SEC61A2: variants seen among roughly 807,000 people sequenced by gnomAD.
SEC61A2 encodes protein transport protein Sec61 subunit alpha isoform 2.
A neutral mutation model predicts 59.9 loss-of-function variants in SEC61A2; 28 were observed. That is an observed-to-expected ratio of 0.47 (90% confidence interval 0.35 to 0.64). SEC61A2 has a LOEUF of 0.64. SEC61A2 is among the 30% of genes least tolerant of loss of function. The pLI is 0.01. For missense variants in SEC61A2, 340 were observed against 585.9 expected (o/e 0.58, Z 4.33); for synonymous variants, 202 against 214.4 (o/e 0.94, Z 0.50).
At position 12,160,341 on chromosome 10, in the gene SEC61A2, C is replaced by T. The variant is rs1331237982; in HGVS notation, c.976-589C>T. On this transcript the variant is annotated intron_variant, in intron 9 of 11. Transcript: ENST00000298428. This position sits in a 1 kb window ranked among gnomAD's most constrained non-coding sequence, Gnocchi z 4.1. ...ATCGCAACTAAAAATTGGTTTCTCACCCCCTATCTGTATACCCCAAAACTT... is the reference window on the plus strand; with the variant it reads ...ATCGCAACTAAAAATTGGTTTCTCATCCCCTATCTGTATACCCCAAAACTT... 1.3e-5 allele frequency among the ~76,000 whole-genome samples: 2 copies of T among 152,114 alleles called. No homozygotes were observed. The highest frequency in any genetic ancestry group is 1.9e-4 in the East Asian group (1 of 5,196).
At chr10:12,146,707 G>A (rs773305505) in intron 4 of SEC61A2, among the ~76,000 whole-genome samples, 1 of 151,584 alleles carries the variant, frequency 6.6e-6, no homozygotes, top group Admixed American at 6.6e-5. Flanking sequence ...TTTAGTACAG[G>A]TGGGGTTTCA....
chr10:12,155,870 C>G lies in SEC61A2; in HGVS notation c.555C>G (p.Thr185=). ...CTGGGATTTCCCTCTTTATTGCCACCAACATCTGTGAGACCATTGTCTGGA... is the reference window on the plus strand; with the variant it reads ...CTGGGATTTCCCTCTTTATTGCCACGAACATCTGTGAGACCATTGTCTGGA... The part of the protein sequence containing the change: ...LGSGISLFIA[T]NICETIVWKA... The change falls in exon 7 of 12, where the codon ACC becomes ACG. Residue 185 remains threonine (T), a synonymous_variant. Transcript: ENST00000298428. The surrounding 1 kb of genome is among the most constrained non-coding windows in gnomAD (Gnocchi z 4.3). 2 of 1,614,134 alleles carry G rather than the reference C, an allele frequency of 1.2e-6. No homozygotes were observed. The highest frequency in any genetic ancestry group is 8.5e-7 in the Non-Finnish European group (1 of 1,179,980).
chr10:12,139,278 T>G (rs1183048078), intron 3 of SEC61A2, among the ~76,000 whole-genome samples: 2 of 151,490 alleles, frequency 1.3e-5, no homozygotes, highest in African/African-American at 4.8e-5. Context: ...TGCCCCATTT[T>G]GTATTTCCAC....
downstream of SEC61A2, chr10:12,169,479 C>T (rs1834803016): frequency 6.9e-6 from 4 of 580,246 alleles, no homozygotes; most frequent in Admixed American, 6.5e-5. The surrounding 1 kb of genome is among the most constrained non-coding windows in gnomAD (Gnocchi z 4.8). Context: ...TTATGGTCCG[C>T]GGAGCCTCAA....
In SEC61A2 at chr10:12,135,580, A is replaced by G. The variant is rs192360256; in HGVS notation, c.76-525A>G. On this transcript the variant is annotated intron_variant, in intron 2 of 11. Transcript: ENST00000298428. The stretch of plus-strand genomic sequence containing the variant: ...CACCCAGATAACGTTCATTGTACCC[A>G]TTAAGTAATTTCTCATCATCCATCT... Among the ~76,000 whole-genome samples, 11 of 152,270 alleles carry G rather than the reference A, an allele frequency of 7.2e-5. No individual in the cohort carries two copies. In the East Asian group the frequency reaches 1.9e-3, roughly 27 times the overall value.
Position 12,143,245 on chromosome 10 carries a change from G to A in SEC61A2, c.220+50G>A, listed in dbSNP as rs758005544. ...CACTCCTACTCACAGCAAACAGATG[G>A]AAACATGTGGATTAGCAATGAGTTT... is the stretch of plus-strand genomic sequence containing the variant. On this transcript the variant is annotated intron_variant, in intron 4 of 11. Coordinates refer to ENST00000298428, the MANE Select transcript of SEC61A2 (RefSeq NM_018144.4). This position sits in a 1 kb window ranked among gnomAD's most constrained non-coding sequence, Gnocchi z 4.8. 2 of 1,287,758 alleles carry A rather than the reference G, an allele frequency of 1.6e-6. No individual in the cohort carries two copies. The highest frequency in any genetic ancestry group is 1.5e-5 in the African/African-American group (1 of 68,570). The allele number at this position is 1,287,758 out of a possible 1,614,324, so 79.8% of individuals were successfully genotyped here. A position where few individuals can be genotyped will look rare whatever the true frequency, so the allele number is the denominator to read the frequency against.
chr10:12,146,721 T>C (rs984541883), intron 4 of SEC61A2, among the ~76,000 whole-genome samples: 4 of 151,814 alleles, frequency 2.6e-5, no homozygotes, highest in Non-Finnish European at 5.9e-5. Context: ...GGTTTCACCA[T>C]GTTAGCCAGG....
At chr10:12,131,064 C>A (rs1359536795) in intron 1 of SEC61A2, among the ~76,000 whole-genome samples, 1 of 152,042 alleles carries the variant, frequency 6.6e-6, no homozygotes, top group East Asian at 1.9e-4. Context: ...TCCCAGCTCC[C>A]CAGGAGGCTG....
intron 8 of SEC61A2, among the ~76,000 whole-genome samples, chr10:12,157,570 C>T (rs10430799): frequency 0.067 from 10,065 of 149,448 alleles, 769 homozygotes; most frequent in African/African-American, 0.18. Context: ...TGGCGCAATC[C>T]CGGCTAACTG....
intron 1 of SEC61A2, among the ~76,000 whole-genome samples, chr10:12,131,539 C>T (rs1377097352): frequency 6.6e-6 from 1 of 151,940 alleles, no homozygotes; most frequent in African/African-American, 2.4e-5. Context: ...TAAGAGTAGT[C>T]TGGGAAAACA....
intron 1 of SEC61A2, among the ~76,000 whole-genome samples, chr10:12,132,768 C>T (rs993377863): frequency 6.6e-6 from 1 of 152,218 alleles, no homozygotes; most frequent in Non-Finnish European, 1.5e-5. Context: ...CTCCTGTCTT[C>T]CTCCTCTGAT....
chr10:12,136,204 C>T (rs1833878660), intron 3 of SEC61A2, 34 bp downstream of exon 3: 1 of 1,326,066 alleles, frequency 7.5e-7, no homozygotes, highest in Non-Finnish European at 1.1e-6. Flanking sequence ...AATGTCTGCA[C>T]CATTGTTCTA....
In SEC61A2 at chr10:12,153,877, T is replaced by C; in HGVS notation, c.463-1901T>C. The C allele has an allele frequency of 7.0e-7, 1 of 1,433,328 alleles. No homozygotes were observed. Among genetic ancestry groups the C allele is most frequent in the Non-Finnish European group, 9.4e-7 (1 of 1,065,892 alleles). 88.8% of individuals were successfully genotyped at this position (1,433,328 alleles called of 1,614,324 possible). A position where few individuals can be genotyped will look rare whatever the true frequency, so the allele number is the denominator to read the frequency against. Reference sequence around the variant, plus strand: ...TCTCACCTTATTTGTTTATGTTTCATTCACGTGGTTAGTGTTTTTCAGCTA... The same window carrying C: ...TCTCACCTTATTTGTTTATGTTTCACTCACGTGGTTAGTGTTTTTCAGCTA... On this transcript the variant is annotated intron_variant, in intron 6 of 11. Transcript: ENST00000298428. This position sits in a 1 kb window ranked among gnomAD's most constrained non-coding sequence, Gnocchi z 5.2.
In SEC61A2 at chr10:12,129,692, T is replaced by C; in HGVS notation, c.-96T>C. On this transcript the variant is annotated 5_prime_UTR_variant, in exon 1 of 12. Coordinates refer to ENST00000298428, the MANE Select transcript of SEC61A2 (RefSeq NM_018144.4). This position sits in a 1 kb window ranked among gnomAD's most constrained non-coding sequence, Gnocchi z 5.6. ...CGGAGCCTGCGCGGGGCCGGTAGGATCGCGTCGGGAGCCGGTACCGAGGCC... is the reference window on the plus strand; with the variant it reads ...CGGAGCCTGCGCGGGGCCGGTAGGACCGCGTCGGGAGCCGGTACCGAGGCC... 2 of 1,230,502 alleles carry C rather than the reference T, an allele frequency of 1.6e-6. No homozygotes were observed. The highest frequency in any genetic ancestry group is 2.2e-6 in the Non-Finnish European group (2 of 898,308). The allele number at this position is 1,230,502 out of a possible 1,614,324, so 76.2% of individuals were successfully genotyped here.
At chr10:12,165,474 A>G (rs1834647947), downstream of SEC61A2, 1 of 534,114 alleles carries the variant, frequency 1.9e-6, no homozygotes, top group Non-Finnish European at 2.4e-6. Context: ...ATGCCTGTAA[A>G]AGTCAAATGT....
intron 11 of SEC61A2, among the ~76,000 whole-genome samples, chr10:12,163,949 C>A (rs1172445713): frequency 2.6e-5 from 4 of 152,116 alleles, no homozygotes; most frequent in Admixed American, 2.6e-4. Flanking sequence ...CAAGAGGGAA[C>A]GAAAGGTTAC....
intron 1 of SEC61A2, among the ~76,000 whole-genome samples, chr10:12,130,047 G>A (rs1833695059): frequency 6.6e-6 from 1 of 152,200 alleles, no homozygotes; most frequent in South Asian, 2.1e-4. Context: ...GCGCTGGGAG[G>A]CCATTGGTTT....
downstream of SEC61A2, chr10:12,166,437 T>C (rs1834696240): frequency 9.0e-6 from 2 of 222,058 alleles, no homozygotes; most frequent in South Asian, 1.1e-4. Context: ...GACAGCTTCA[T>C]CTGTAAAGTT....
In SEC61A2 at chr10:12,156,610, A is replaced by T. The variant is rs144261549; in HGVS notation, c.617-297A>T. Among the ~76,000 whole-genome samples the T allele has an allele frequency of 1.5e-3, 228 of 152,324 alleles. 1 individual carries two copies. The highest frequency in any genetic ancestry group is 5.3e-3 in the African/African-American group (220 of 41,568). On this transcript the variant is annotated intron_variant, in intron 7 of 11. Coordinates refer to ENST00000298428, the MANE Select transcript of SEC61A2 (RefSeq NM_018144.4). This position sits in a 1 kb window ranked among gnomAD's most constrained non-coding sequence, Gnocchi z 5.2. The stretch of plus-strand genomic sequence containing the variant: ...AAACACTCTCTCCCTTCCCTGAAGT[A>T]GAGGAGAGGCAAATCTCTATGAATG...
Sources: gnomAD v4.1 joint callset for allele counts (sites outside exome capture counted in the v4.1 genomes callset) on GRCh38, gnomAD v4.1.1 for gene constraint, Gnocchi (gnomAD v3.1) non-coding constraint, MANE v1.5 for transcripts, NCBI Gene and HGNC (gene_info 2026-07-23, HGNC 2026-07-21) for gene names.